Variants in FOXA3 observed in about 807,000 individuals in gnomAD.
The protein encoded by FOXA3 is forkhead box A3.
Under a neutral mutation model 16.9 loss-of-function variants are expected in FOXA3, and 11 were observed. That is an observed-to-expected ratio of 0.65 (90% confidence interval 0.41 to 1.08). FOXA3 has a LOEUF of 1.08. Ranked by LOEUF, FOXA3 falls within the 50% of genes least tolerant of loss-of-function variation. FOXA3 has a pLI of 0.00. For missense variants in FOXA3, 423 were observed against 470.1 expected (o/e 0.90, Z 0.93); for synonymous variants, 217 against 203.3 (o/e 1.07, Z -0.57).
In FOXA3 at chr19:45,872,128, G is replaced by C. The variant is rs771789911; in HGVS notation, c.123G>C (p.Met41Ile). 2.5e-6 allele frequency: 4 copies of C among 1,601,878 alleles called. No homozygotes were observed. Among genetic ancestry groups the C allele is most frequent in the South Asian group, 2.2e-5 (2 of 89,220 alleles). Residue 41 changes from methionine to isoleucine, a missense_variant, in exon 2 of 2, where the codon ATG becomes ATC. Physicochemically the swap from Met to Ile is conservative, Grantham distance 10. Around this residue, in one of 3 missense-constraint regions of FOXA3, gnomAD observed 170 missense variants for 153.9 expected, o/e 1.10. Coordinates refer to ENST00000302177, the MANE Select transcript of FOXA3 (RefSeq NM_004497.3). The surrounding 1 kb of genome is among the most constrained non-coding windows in gnomAD (Gnocchi z 4.5). ...VPTMAPLNSY[M>I]TLNPLSSPYP... ...CCATGGCCCCCCTCAACTCCTACAT[G>C]ACCCTGAATCCTCTAAGCTCTCCCT...
In FOXA3 at chr19:45,872,182, A is replaced by C. The variant is rs750729246; in HGVS notation, c.177A>C (p.Pro59=). The change falls in exon 2 of 2, where the codon CCA becomes CCC. Residue 59 remains proline, a synonymous_variant. Transcript: ENST00000302177. This position sits in a 1 kb window ranked among gnomAD's most constrained non-coding sequence, Gnocchi z 4.5. ...PYPPGGLPAS[P]LPSGPLAPPA... ...CCCCTGGGGGGCTCCCTGCCTCCCC[A>C]CTGCCCTCAGGACCCCTGGCACCCC... 5.0e-6 allele frequency: 8 copies of C among 1,591,894 alleles called. No individual in the cohort carries two copies. The Admixed American group carries it at 1.4e-4, about 28-fold the overall frequency.
chr19:45,871,035 A>G (rs1263175867), intron 1 of FOXA3, among the ~76,000 whole-genome samples: 2 of 152,066 alleles, frequency 1.3e-5, no homozygotes, highest in African/African-American at 4.8e-5. Context: ...GGCTACAGTG[A>G]GCTGCGATTG....
At position 45,872,626 on chromosome 19, in the gene FOXA3, G is replaced by C. The variant is rs747341541; in HGVS notation, c.621G>C (p.Leu207=). The C allele has an allele frequency of 6.2e-7, 1 of 1,614,008 alleles. No individual in the cohort carries two copies. The highest frequency in any genetic ancestry group is 1.1e-5 in the South Asian group (1 of 91,084). Residue 207 remains leucine (L), a synonymous_variant, in exon 2 of 2, where the codon CTG becomes CTC. Transcript: ENST00000302177. The surrounding 1 kb of genome is among the most constrained non-coding windows in gnomAD (Gnocchi z 4.5). ...SGNMFENGCY[L]RRQKRFKLEE... is the part of the protein sequence containing the mutation. ...ACATGTTTGAGAATGGCTGCTACCT[G>C]CGCCGCCAGAAACGCTTCAAGCTGG...
At position 45,872,058 on chromosome 19, in the gene FOXA3, T is replaced by G. The variant is rs201518711; in HGVS notation, c.70-17T>G. The G allele has an allele frequency of 4.2e-5, 68 of 1,611,108 alleles. No homozygotes were observed. The African/African-American group carries it at 8.9e-4, about 21-fold the overall frequency. On this transcript the variant is annotated splice_polypyrimidine_tract_variant and intron_variant, in intron 1 of 1. Coordinates refer to ENST00000302177, the MANE Select transcript of FOXA3 (RefSeq NM_004497.3). This position sits in a 1 kb window ranked among gnomAD's most constrained non-coding sequence, Gnocchi z 4.5. ...AGAGTGGAGCCCCACTGACCCCTCC[T>G]TTCATCTTTCCCCTAGGTCTACTCG...
chr19:45,865,841 G>A (rs889847487), intron 1 of FOXA3, among the ~76,000 whole-genome samples: 3 of 152,112 alleles, frequency 2.0e-5, no homozygotes, highest in African/African-American at 7.2e-5. Flanking sequence ...AGGCAGGGTG[G>A]CTGGAGGTAT....
rs745900495 is a variant in FOXA3, at chr19:45,864,451, C to G, written c.-6C>G. On this transcript the variant is annotated 5_prime_UTR_variant, in exon 1 of 2. Transcript: ENST00000302177. ...GCGGGGGCGGGTGGGGGCGTAAGCCCGGGGGATGCTGGGCTCAGTGAAGAT... is the reference window on the plus strand; with the variant it reads ...GCGGGGGCGGGTGGGGGCGTAAGCCGGGGGGATGCTGGGCTCAGTGAAGAT... The G allele has an allele frequency of 1.4e-6, 2 of 1,457,232 alleles. No individual in the cohort carries two copies. Among genetic ancestry groups the G allele is most frequent in the Non-Finnish European group, 1.8e-6 (2 of 1,092,342 alleles). 90.3% of individuals were successfully genotyped at this position (1,457,232 alleles called of 1,614,324 possible). A position where few individuals can be genotyped will look rare whatever the true frequency, so the allele number is the denominator to read the frequency against.
chr19:45,867,103 G>A (rs566274190), intron 1 of FOXA3, among the ~76,000 whole-genome samples: 2 of 152,112 alleles, frequency 1.3e-5, no homozygotes, highest in East Asian at 1.9e-4. Flanking sequence ...GCTTGAGGTC[G>A]GACCTCAAGG....
At chr19:45,867,809 T>G (rs1308630382) in intron 1 of FOXA3, among the ~76,000 whole-genome samples, 15 of 117,750 alleles carry the variant, frequency 1.3e-4, no homozygotes, top group South Asian at 5.5e-4. Context: ...GACAAGAAGA[T>G]GGGCTGAAGG....
rs776446460 is a variant in FOXA3, at chr19:45,872,826, G to C, written c.821G>C (p.Gly274Ala). The C allele has an allele frequency of 6.2e-7, 1 of 1,612,798 alleles. No individual in the cohort carries two copies. The highest frequency in any genetic ancestry group is 1.1e-5 in the South Asian group (1 of 91,088). Residue 274 changes from glycine to alanine, a missense_variant, in exon 2 of 2, where the codon GGC becomes GCC. By Grantham distance (60) the Gly-to-Ala change is moderately conservative. Coordinates refer to ENST00000302177, the MANE Select transcript of FOXA3 (RefSeq NM_004497.3). This position sits in a 1 kb window ranked among gnomAD's most constrained non-coding sequence, Gnocchi z 4.5. ...GGEDVGALDC[G>A]SPASSTPYFT... is the part of the protein sequence containing the mutation. ...GAAGATGTGGGGGCTCTGGACTGTG[G>C]CTCACCCGCTTCCTCCACACCCTAT...
At position 45,864,467 on chromosome 19, in the gene FOXA3, C is replaced by T. The variant is rs1300343101; in HGVS notation, c.11C>T (p.Ser4Leu). Residue 4 changes from serine (S) to leucine (L), a missense_variant, in exon 1 of 2, where the codon TCA (serine) becomes TTA (leucine). Ser to Leu is a moderately radical substitution (Grantham distance 145, BLOSUM62 -2). Around this residue, in one of 3 missense-constraint regions of FOXA3, gnomAD observed 170 missense variants for 153.9 expected, o/e 1.10. Coordinates refer to ENST00000302177, the MANE Select transcript of FOXA3 (RefSeq NM_004497.3). MLG[S>L]VKMEAHDLAE... ...GCGTAAGCCCGGGGGATGCTGGGCTCAGTGAAGATGGAGGCCCATGACCTG... is the reference window on the plus strand; with the variant it reads ...GCGTAAGCCCGGGGGATGCTGGGCTTAGTGAAGATGGAGGCCCATGACCTG... The T allele has an allele frequency of 1.3e-6, 2 of 1,519,254 alleles. No homozygotes were observed. The highest frequency in any genetic ancestry group is 2.5e-5 in the South Asian group (2 of 79,548). The allele number at this position is 1,519,254 out of a possible 1,614,324, so 94.1% of individuals were successfully genotyped here. A position where few individuals can be genotyped will look rare whatever the true frequency, so the allele number is the denominator to read the frequency against.
At chr19:45,868,378 G>A (rs1008364363) in intron 1 of FOXA3, among the ~76,000 whole-genome samples, 2 of 151,992 alleles carry the variant, frequency 1.3e-5, no homozygotes, top group Non-Finnish European at 2.9e-5. Flanking sequence ...TCAGGAGTTC[G>A]AGACTAGCCT....
chr19:45,867,414 G>GAGGGAGATAGAT (rs373004327), intron 1 of FOXA3, among the ~76,000 whole-genome samples: 3 of 143,506 alleles, frequency 2.1e-5, no homozygotes, highest in Admixed American at 1.4e-4. Context: ...TGAAGGGAGG[G>GAGGGAGATAGAT]AGATAGATAG....
At position 45,872,400 on chromosome 19, in the gene FOXA3, A is replaced by G. The variant is rs954700998; in HGVS notation, c.395A>G (p.Gln132Arg). The change falls in exon 2 of 2, where the codon CAG becomes CGG. Residue 132 changes from glutamine (Q) to arginine (R), a missense_variant. Gln to Arg is a conservative substitution (Grantham distance 43). Transcript: ENST00000302177. The surrounding 1 kb of genome is among the most constrained non-coding windows in gnomAD (Gnocchi z 4.5). Reference protein sequence around the residue: ...YISLITMAIQQAPGKMLTLSE... With the variant: ...YISLITMAIQRAPGKMLTLSE... ...TCACTCATCACCATGGCCATCCAGCAGGCGCCGGGCAAGATGCTGACCTTG... is the reference window on the plus strand; with the variant it reads ...TCACTCATCACCATGGCCATCCAGCGGGCGCCGGGCAAGATGCTGACCTTG... 3 of 1,614,106 alleles carry G rather than the reference A, an allele frequency of 1.9e-6. No homozygotes were observed. The highest frequency in any genetic ancestry group is 2.5e-6 in the Non-Finnish European group (3 of 1,180,044).
chr19:45,872,677 C>T lies in FOXA3; in HGVS notation c.672C>T (p.Ser224=), dbSNP rs760500600. Residue 224 remains serine (S), a synonymous_variant, in exon 2 of 2, where the codon AGC becomes AGT. Coordinates refer to ENST00000302177, the MANE Select transcript of FOXA3 (RefSeq NM_004497.3). The surrounding 1 kb of genome is among the most constrained non-coding windows in gnomAD (Gnocchi z 4.5). ...KLEEKVKKGG[S]GAATTTRNGT... ...AGGAGAAGGTGAAAAAAGGGGGCAG[C>T]GGGGCTGCCACCACCACCAGGAACG... The T allele has an allele frequency of 4.7e-5, 76 of 1,610,872 alleles. No individual in the cohort carries two copies. The highest frequency in any genetic ancestry group is 6.2e-5 in the Non-Finnish European group (73 of 1,178,742).
rs1966915323 is a variant in FOXA3 at position 45,872,299 on chromosome 19, G to A, written c.294G>A (p.Gly98=). Residue 98 remains glycine, a synonymous_variant, in exon 2 of 2, where the codon GGG becomes GGA. Transcript: ENST00000302177. The surrounding 1 kb of genome is among the most constrained non-coding windows in gnomAD (Gnocchi z 4.5). ...SSSGYGAPGP[G]LVHGKEMPKG... is the part of the protein sequence containing the mutation. ...CCGGGTACGGGGCCCCGGGTCCTGG[G>A]CTGGTGCACGGGAAGGAGATGCCGA... The A allele has an allele frequency of 8.1e-6, 13 of 1,613,966 alleles. No homozygotes were observed. In the East Asian group the frequency reaches 2.7e-4, roughly 33 times the overall value.
rs1185037299 is a variant in FOXA3 at position 45,867,282 on chromosome 19, C to T, written c.69+2757C>T. ...AATCCATCACCTTCTCACCTCATCC[C>T]TTTTCTTTTTCTGGGGAGGGGACCC... On this transcript the variant is annotated intron_variant, in intron 1 of 1. Coordinates refer to ENST00000302177, the MANE Select transcript of FOXA3 (RefSeq NM_004497.3). 2.0e-5 allele frequency among the ~76,000 whole-genome samples: 3 copies of T among 152,058 alleles called. No homozygotes were observed. The East Asian group carries it at 5.8e-4, about 29-fold the overall frequency.
chr19:45,872,898 A>G lies in FOXA3; in HGVS notation c.893A>G (p.Tyr298Cys), dbSNP rs199535549. 8.7e-5 allele frequency: 140 copies of G among 1,614,006 alleles called. No individual in the cohort carries two copies. The highest frequency in any genetic ancestry group is 4.2e-6 in the Non-Finnish European group (5 of 1,180,030). The change falls in exon 2 of 2, where the codon TAC (tyrosine) becomes TGC (cysteine). Residue 298 changes from tyrosine to cysteine, a missense_variant. Tyr to Cys is a radical substitution (Grantham distance 194). Around this residue, in one of 3 missense-constraint regions of FOXA3, gnomAD observed 168 missense variants for 179.3 expected, o/e 0.94. Transcript: ENST00000302177. This position sits in a 1 kb window ranked among gnomAD's most constrained non-coding sequence, Gnocchi z 4.5. ...LPGELKLDAP[Y>C]NFNHPFSINN... is the part of the protein sequence containing the mutation. The stretch of plus-strand genomic sequence containing the variant: ...GGGGAGCTGAAGCTGGACGCGCCCT[A>G]CAACTTCAACCACCCTTTCTCCATC...
chr19:45,866,228 A>G (rs901710436), intron 1 of FOXA3, among the ~76,000 whole-genome samples: 1 of 152,098 alleles, frequency 6.6e-6, no homozygotes, highest in Non-Finnish European at 1.5e-5. Flanking sequence ...CCTGGGCAAC[A>G]TAGGGAGACC....
Position 45,868,597 on chromosome 19 carries a change from A to C in FOXA3, c.70-3478A>C, listed in dbSNP as rs1054603397. Among the ~76,000 whole-genome samples the C allele has an allele frequency of 3.5e-5, 5 of 144,888 alleles. No individual in the cohort carries two copies. The Admixed American group carries it at 3.5e-4, about 10-fold the overall frequency. On this transcript the variant is annotated intron_variant, in intron 1 of 1. Coordinates refer to ENST00000302177, the MANE Select transcript of FOXA3 (RefSeq NM_004497.3). ...TCTCTTAAAAAAAAAAAAAAAAAAA[A>C]GCTTACAGTGGCAGGAGACTAGGCG...
Sources: allele counts gnomAD v4.1 joint callset (sites outside exome capture counted in the v4.1 genomes callset), GRCh38; gene constraint gnomAD v4.1.1; regional missense constraint gnomAD v4.1.1; non-coding constraint Gnocchi (gnomAD v3.1); transcripts MANE v1.5; gene names NCBI Gene and HGNC (gene_info 2026-07-23, HGNC 2026-07-21).